Variants in EVC2 observed in about 807,000 individuals in gnomAD.
The protein encoded by EVC2 is limbin.
A neutral mutation model predicts 149.3 loss-of-function variants in EVC2; 148 were observed. The ratio of observed to expected loss-of-function variants is 0.99; its 90% confidence interval spans 0.87 to 1.14. The LOEUF (loss-of-function observed/expected upper bound fraction) is 1.14, where lower values mean the gene tolerates loss of function less well. Ranked by LOEUF, EVC2 falls within the 50% of genes most tolerant of loss-of-function variation. The pLI is 0.00. For missense variants in EVC2, 1,854 were observed against 1,627.3 expected, an observed-to-expected ratio of 1.14 and a Z score of -2.40; for synonymous variants, 776 against 649.9, an observed-to-expected ratio of 1.19 and a Z score of -2.95.
intron 14 of EVC2, among the ~76,000 whole-genome samples, chr4:5,621,412 G>A (rs1715680679): frequency 2.0e-5 from 3 of 152,190 alleles, no homozygotes; most frequent in African/African-American, 4.8e-5. Flanking sequence ...TTTTACAAGT[G>A]GGAAAGCTGA....
At chr4:5,704,990 G>A (rs1257566134) in intron 1 of EVC2, among the ~76,000 whole-genome samples, 3 of 152,270 alleles carry the variant, frequency 2.0e-5, no homozygotes, top group East Asian at 1.9e-4. Context: ...GATTACAGGC[G>A]TGAGCTTATT....
chr4:5,540,305 A>G (rs1248048212), downstream of EVC2, among the ~76,000 whole-genome samples: 3 of 152,232 alleles, frequency 2.0e-5, no homozygotes, highest in Non-Finnish European at 2.9e-5. Context: ...TACACCTGTC[A>G]TATGTTCTAG....
Position 5,618,115 on chromosome 4 carries a change from AC to A in EVC2, c.2706+362del, listed in dbSNP as rs909801308. ...TATGCCATATAGAAAGGCCTTTTGT[AC>A]CCAGAGTCAGTCATTAGCTGTGGCT... On this transcript the variant is annotated intron_variant, in intron 15 of 21. Coordinates refer to ENST00000344408, the MANE Select transcript of EVC2 (RefSeq NM_147127.5). This position sits in a 1 kb window ranked among gnomAD's most constrained non-coding sequence, Gnocchi z 4.4. Among the ~76,000 whole-genome samples, 6 of 152,132 alleles carry A rather than the reference AC, an allele frequency of 3.9e-5. No homozygotes were observed. Among genetic ancestry groups the A allele is most frequent in the African/African-American group, 1.4e-4 (6 of 41,420 alleles).
At chr4:5,699,422 C>T (rs919397481) in intron 1 of EVC2, among the ~76,000 whole-genome samples, 3 of 152,138 alleles carry the variant, frequency 2.0e-5, no homozygotes, top group Non-Finnish European at 4.4e-5. Flanking sequence ...CAGCATGATT[C>T]AGAATTCCAC....
downstream of EVC2, among the ~76,000 whole-genome samples, chr4:5,538,124 G>A (rs1180938728): frequency 6.7e-6 from 1 of 150,286 alleles, no homozygotes; most frequent in Admixed American, 6.6e-5. Context: ...GGAGGACGCA[G>A]ATTATCAATA....
chr4:5,540,997 T>C (rs971287479), downstream of EVC2, among the ~76,000 whole-genome samples: 12 of 152,192 alleles, frequency 7.9e-5, no homozygotes, highest in African/African-American at 2.2e-4. Context: ...GGTCTAAGCA[T>C]TCCCCATCAT....
chr4:5,538,779 G>C (rs577604584), downstream of EVC2, among the ~76,000 whole-genome samples: 2 of 152,156 alleles, frequency 1.3e-5, no homozygotes, highest in South Asian at 4.1e-4. Flanking sequence ...GTCCATTTCT[G>C]ATTAAAATCA....
At chr4:5,541,065 C>T (rs571695621), downstream of EVC2, among the ~76,000 whole-genome samples, 7 of 152,278 alleles carry the variant, frequency 4.6e-5, no homozygotes, top group South Asian at 4.2e-4. Context: ...TTCCAGCTGC[C>T]GCTGGCCTTT....
chr4:5,688,895 T>C (rs1720909030), intron 5 of EVC2, among the ~76,000 whole-genome samples: 1 of 152,198 alleles, frequency 6.6e-6, no homozygotes. Flanking sequence ...AGACTATGTA[T>C]TTTTAAAAAT....
intron 16 of EVC2, among the ~76,000 whole-genome samples, chr4:5,601,832 A>C (rs1714004936): frequency 6.6e-6 from 1 of 152,226 alleles, no homozygotes; most frequent in South Asian, 2.1e-4. Context: ...GTGTGACCCC[A>C]AGATGGCAGC....
intron 9 of EVC2, among the ~76,000 whole-genome samples, chr4:5,651,065 T>A (rs1461640585): frequency 1.3e-5 from 2 of 152,020 alleles, no homozygotes; most frequent in Middle Eastern, 3.4e-3. Context: ...AATGGACAGA[T>A]GGACAGATGG....
Position 5,708,372 on chromosome 4 carries a change from G to C in EVC2, c.142C>G (p.Arg48Gly), listed in dbSNP as rs1036132954. Residue 48 changes from arginine (R) to glycine (G), a missense_variant, in exon 1 of 22, where the codon CGG (arginine) becomes GGG (glycine). Physicochemically the swap from Arg to Gly is moderately radical, Grantham distance 125. Transcript: ENST00000344408. ...RWRPLGAQPP[R>G]DPQVAPRSGP... ...GACCTAGGAGCCACCTGGGGATCCC[G>C]GGGTGGCTGCGCGCCGAGGGGGCGC... The C allele has an allele frequency of 2.0e-6, 3 of 1,492,004 alleles. No homozygotes were observed. Among genetic ancestry groups the C allele is most frequent in the Middle Eastern group, 1.9e-4 (1 of 5,190 alleles). 92.4% of individuals were successfully genotyped at this position (1,492,004 alleles called of 1,614,324 possible). A position where few individuals can be genotyped will look rare whatever the true frequency, so the allele number is the denominator to read the frequency against.
At position 5,628,637 on chromosome 4, in the gene EVC2, T is replaced by G. The variant is rs746069003; in HGVS notation, c.1808A>C (p.Gln603Pro). 5.0e-6 allele frequency: 8 copies of G among 1,614,036 alleles called. No individual in the cohort carries two copies. Among genetic ancestry groups the G allele is most frequent in the Non-Finnish European group, 6.8e-6 (8 of 1,180,008 alleles). ...GHREYLVQNL[Q>P]SSETRVQGLL... ...GCCCTGCACACGGGTCTCTGATGAC[T>G]GGAGGTTCTGGACCAGATATTCCCT... Residue 603 changes from glutamine to proline, a missense_variant, in exon 12 of 22, where the codon CAG becomes CCG. Transcript: ENST00000344408.
chr4:5,622,397 A>T lies in EVC2; in HGVS notation c.2501+140T>A. The T allele has an allele frequency of 1.0e-6, 1 of 1,003,526 alleles. No homozygotes were observed. The highest frequency in any genetic ancestry group is 1.5e-6 in the Non-Finnish European group (1 of 655,740). The allele number at this position is 1,003,526 out of a possible 1,614,324, so 62.2% of individuals were successfully genotyped here. A position where few individuals can be genotyped will look rare whatever the true frequency, so the allele number is the denominator to read the frequency against. ...GTCCTCCCCCCGGGGCGTTGAGTTT[A>T]TATGACTAATTAACGCTGGTAATCT... On this transcript the variant is annotated intron_variant, in intron 14 of 21. Transcript: ENST00000344408. This position sits in a 1 kb window ranked among gnomAD's most constrained non-coding sequence, Gnocchi z 5.8.
intron 7 of EVC2, among the ~76,000 whole-genome samples, chr4:5,671,103 C>T (rs757170061): frequency 9.2e-5 from 14 of 152,346 alleles, no homozygotes; most frequent in Non-Finnish European, 1.8e-4. Context: ...CATTTAATCT[C>T]CACAACAATA....
intron 7 of EVC2, among the ~76,000 whole-genome samples, chr4:5,668,035 T>C (rs1473994157): frequency 6.6e-6 from 1 of 152,168 alleles, no homozygotes; most frequent in Non-Finnish European, 1.5e-5. Context: ...CTCTGCACAA[T>C]GGAAAGCATA....
chr4:5,621,584 A>C (rs975821499), intron 14 of EVC2, among the ~76,000 whole-genome samples: 1 of 152,186 alleles, frequency 6.6e-6, no homozygotes, highest in African/African-American at 2.4e-5. Flanking sequence ...GTTGGTCTCT[A>C]TTACAGCACA....
intron 16 of EVC2, among the ~76,000 whole-genome samples, chr4:5,594,689 C>T (rs867588053): frequency 1.3e-5 from 2 of 152,204 alleles, no homozygotes; most frequent in African/African-American, 4.8e-5. Context: ...GAACGCAGCT[C>T]CTCACCAGCA....
At chr4:5,647,804 G>A (rs543383582) in intron 9 of EVC2, among the ~76,000 whole-genome samples, 7 of 152,328 alleles carry the variant, frequency 4.6e-5, no homozygotes, top group African/African-American at 1.7e-4. Flanking sequence ...CTCATCAGCT[G>A]ACCTTAAGAT....
Sources: allele counts gnomAD v4.1 joint callset (sites outside exome capture counted in the v4.1 genomes callset), GRCh38; gene constraint gnomAD v4.1.1; non-coding constraint Gnocchi (gnomAD v3.1); transcripts MANE v1.5; gene names NCBI Gene and HGNC (gene_info 2026-07-23, HGNC 2026-07-21).